ROBO2: variants seen among roughly 807,000 people sequenced by gnomAD.
ROBO2 encodes roundabout guidance receptor 2, also known as roundabout homolog 2.
Under a neutral mutation model 160.8 loss-of-function variants are expected in ROBO2, and 53 were observed. That is an observed-to-expected ratio of 0.33 (90% confidence interval 0.26 to 0.41). The LOEUF (loss-of-function observed/expected upper bound fraction) is 0.41. Among genes scored for constraint, ROBO2 ranks in the 10% least tolerant of loss-of-function variants. ROBO2 has a pLI of 1.00. For missense variants in ROBO2, 1,577 were observed against 1,722.4 expected, an observed-to-expected ratio of 0.92 and a Z score of 1.49; for synonymous variants, 664 against 611.7, an observed-to-expected ratio of 1.09 and a Z score of -1.26.
intron 2 of ROBO2, among the ~76,000 whole-genome samples, chr3:76,341,434 A>AAC (rs1553713136): frequency 2.0e-5 from 3 of 150,564 alleles, no homozygotes; most frequent in East Asian, 1.9e-4. Context: ...AAAAAAAAAA[A>AAC]AAAAAAAGGA....
At chr3:77,422,044 A>G (rs1490141387) in intron 2 of ROBO2, among the ~76,000 whole-genome samples, 3 of 152,170 alleles carry the variant, frequency 2.0e-5, no homozygotes, top group Non-Finnish European at 4.4e-5. Flanking sequence ...TTTAATGGGC[A>G]CTTTGCTTTA....
intron 2 of ROBO2, among the ~76,000 whole-genome samples, chr3:77,170,493 C>T (rs2079531733): frequency 6.6e-6 from 1 of 151,918 alleles, no homozygotes. Context: ...TTTGAATATC[C>T]TTAGACTGTT....
chr3:75,909,592 T>C (rs1946480789), intron 1 of ROBO2, among the ~76,000 whole-genome samples: 1 of 152,204 alleles, frequency 6.6e-6, no homozygotes, highest in Non-Finnish European at 1.5e-5. Context: ...CCTGTTCCTT[T>C]CTGGTCCTGA....
chr3:76,315,531 T>G (rs997859632), intron 2 of ROBO2, among the ~76,000 whole-genome samples: 54 of 152,312 alleles, frequency 3.5e-4, no homozygotes, highest in African/African-American at 1.1e-3. Flanking sequence ...TTTAATCTCT[T>G]ATCTGCATGG....
At chr3:77,177,182 T>C (rs2080241004) in intron 2 of ROBO2, among the ~76,000 whole-genome samples, 1 of 152,090 alleles carries the variant, frequency 6.6e-6, no homozygotes, top group Admixed American at 6.6e-5. Flanking sequence ...CAAAATATTT[T>C]GAGTTTTGCA....
chr3:77,012,537 A>G (rs1212850624), intron 2 of ROBO2, among the ~76,000 whole-genome samples: 2 of 152,190 alleles, frequency 1.3e-5, no homozygotes, highest in African/African-American at 4.8e-5. Flanking sequence ...CTTGATGATG[A>G]GAATATCAGC....
At chr3:76,091,271 G>A (rs2069220164) in intron 2 of ROBO2, among the ~76,000 whole-genome samples, 1 of 152,058 alleles carries the variant, frequency 6.6e-6, no homozygotes, top group Non-Finnish European at 1.5e-5. Context: ...ATGAGCAAAA[G>A]GCGTGAACCG....
chr3:77,205,312 T>G (rs1180082317), intron 2 of ROBO2, among the ~76,000 whole-genome samples: 1 of 151,848 alleles, frequency 6.6e-6, no homozygotes, highest in East Asian at 2.0e-4. Context: ...GGGAAGATGA[T>G]CCTCCCCTAA....
intron 2 of ROBO2, among the ~76,000 whole-genome samples, chr3:77,136,458 T>C (rs908986562): frequency 1.4e-5 from 2 of 144,290 alleles, no homozygotes; most frequent in Admixed American, 7.2e-5. Flanking sequence ...TATATATGAA[T>C]AAGAAAGGGC....
intron 2 of ROBO2, among the ~76,000 whole-genome samples, chr3:76,727,346 T>C (rs768330766): frequency 1.3e-5 from 2 of 152,022 alleles, no homozygotes; most frequent in Non-Finnish European, 2.9e-5. Flanking sequence ...AGCATAGAAA[T>C]GGAAATATTT....
chr3:76,907,509 C>G (rs1442370144), intron 2 of ROBO2, among the ~76,000 whole-genome samples: 1 of 152,090 alleles, frequency 6.6e-6, no homozygotes, highest in African/African-American at 2.4e-5. Context: ...TCTCTCTCTT[C>G]TTGTATCCAA....
chr3:76,632,994 C>A (rs2090116855), intron 2 of ROBO2, among the ~76,000 whole-genome samples: 1 of 152,078 alleles, frequency 6.6e-6, no homozygotes, highest in Non-Finnish European at 1.5e-5. Context: ...TAGCATTGCG[C>A]CTTTCAGATG....
chr3:76,921,560 C>T (rs751048927), intron 2 of ROBO2, among the ~76,000 whole-genome samples: 35 of 152,210 alleles, frequency 2.3e-4, no homozygotes, highest in Non-Finnish European at 2.2e-4. Flanking sequence ...TGTAGTGTGC[C>T]GGGATTGCTC....
intron 2 of ROBO2, among the ~76,000 whole-genome samples, chr3:76,830,930 A>G (rs915741516): frequency 1.6e-4 from 25 of 152,122 alleles, no homozygotes; most frequent in African/African-American, 5.8e-4. Context: ...TGTAGGCTCT[A>G]ACGAGCTATG....
At chr3:76,384,015 C>T (rs2076762598) in intron 2 of ROBO2, among the ~76,000 whole-genome samples, 1 of 152,140 alleles carries the variant, frequency 6.6e-6, no homozygotes, top group Non-Finnish European at 1.5e-5. Context: ...GGCAGAAATG[C>T]AGAAGAGCGT....
chr3:77,039,820 C>G (rs1003581854), upstream of ROBO2: 2 of 152,534 alleles, frequency 1.3e-5, no homozygotes, highest in African/African-American at 4.8e-5. Context: ...CCTAGAAGTC[C>G]TTCCACCCGC....
At chr3:76,536,646 TG>T (rs1192199951) in intron 2 of ROBO2, among the ~76,000 whole-genome samples, 1 of 152,126 alleles carries the variant, frequency 6.6e-6, no homozygotes, top group Non-Finnish European at 1.5e-5. Flanking sequence ...ACTGCCCTGG[TG>T]CCTTCTTGAA....
At chr3:76,779,991 C>T (rs183206378) in intron 2 of ROBO2, among the ~76,000 whole-genome samples, 1 of 150,824 alleles carries the variant, frequency 6.6e-6, no homozygotes, top group African/African-American at 2.4e-5. Context: ...TCTATAATTG[C>T]TGTACCAATT....
intron 2 of ROBO2, among the ~76,000 whole-genome samples, chr3:76,285,382 ATTTTAC>A (rs1203666398): frequency 6.6e-6 from 1 of 152,106 alleles, no homozygotes; most frequent in Non-Finnish European, 1.5e-5. Flanking sequence ...AGTAGTGAAA[ATTTTAC>A]TTTTATGTAT....
Sources: allele counts gnomAD v4.1 joint callset (sites outside exome capture counted in the v4.1 genomes callset), GRCh38; gene constraint gnomAD v4.1.1; transcripts MANE v1.5; gene names NCBI Gene and HGNC (gene_info 2026-07-23, HGNC 2026-07-21).